Variants in CFAP299 observed in about 807,000 individuals in gnomAD.
CFAP299 encodes cilia- and flagella-associated protein 299.
A neutral mutation model predicts 27.0 loss-of-function variants in CFAP299; 21 were observed. The ratio of observed to expected loss-of-function variants is 0.78; its 90% CI spans 0.55 to 1.12. The LOEUF (loss-of-function observed/expected upper bound fraction) is 1.12, where lower values mean the gene tolerates loss of function less well. CFAP299 is among the 50% of genes most tolerant of loss of function. The pLI, the probability that CFAP299 is intolerant of heterozygous loss-of-function variation, is 0.00. For synonymous variants in CFAP299, 104 were observed against 98.1 expected (o/e 1.06, Z -0.36); for missense variants, 310 against 276.6 (o/e 1.12, Z -0.86).
At chr4:80,550,197 T>A (rs1029008679) in intron 2 of CFAP299, among the ~76,000 whole-genome samples, 5 of 152,146 alleles carry the variant, frequency 3.3e-5, no homozygotes, top group Non-Finnish European at 7.4e-5. Flanking sequence ...ATTTTATTTA[T>A]CAATTCCACA....
At chr4:80,422,789 T>A (rs1317468493) in intron 2 of CFAP299, among the ~76,000 whole-genome samples, 2 of 152,202 alleles carry the variant, frequency 1.3e-5, no homozygotes. Context: ...AGAAAAAGTT[T>A]CTTTACATTA....
chr4:80,951,290 T>C (rs1041353683), intron 5 of CFAP299, among the ~76,000 whole-genome samples: 2 of 152,182 alleles, frequency 1.3e-5, no homozygotes, highest in African/African-American at 4.8e-5. Context: ...AACAGTATTA[T>C]AGAATAAAAC....
intron 3 of CFAP299, among the ~76,000 whole-genome samples, chr4:80,822,476 C>T (rs1168557123): frequency 6.6e-6 from 1 of 152,074 alleles, no homozygotes; most frequent in Non-Finnish European, 1.5e-5. Context: ...TAATAATTAA[C>T]ATCTTTAAGG....
chr4:80,787,514 T>G (rs1469637946), intron 3 of CFAP299, among the ~76,000 whole-genome samples: 1 of 151,962 alleles, frequency 6.6e-6, no homozygotes, highest in Non-Finnish European at 1.5e-5. Context: ...TAGTACTTCC[T>G]TCTTGGACAG....
At chr4:80,906,009 T>C (rs958990676) in intron 4 of CFAP299, among the ~76,000 whole-genome samples, 11 of 152,114 alleles carry the variant, frequency 7.2e-5, no homozygotes, top group African/African-American at 2.7e-4. Context: ...AAACCAAATG[T>C]CCAAGTCCAA....
intron 3 of CFAP299, among the ~76,000 whole-genome samples, chr4:80,641,598 G>A (rs1331583927): frequency 2.6e-5 from 4 of 152,144 alleles, no homozygotes; most frequent in African/African-American, 9.7e-5. Flanking sequence ...AACTTTTACA[G>A]TTAAGCATAT....
At chr4:80,832,531 A>G (rs73829154) in intron 3 of CFAP299, among the ~76,000 whole-genome samples, 19,865 of 152,086 alleles carry the variant, frequency 0.13, 1,537 homozygotes, top group African/African-American at 0.21. Context: ...AAAAGCTTAT[A>G]TAATTTTTTA....
chr4:80,400,640 T>A (rs1299038284), intron 2 of CFAP299, among the ~76,000 whole-genome samples: 2 of 152,188 alleles, frequency 1.3e-5, no homozygotes, highest in African/African-American at 4.8e-5. Flanking sequence ...ATTAAACCCC[T>A]TTTTTCTTCC....
At chr4:80,359,824 A>G (rs572207349) in intron 1 of CFAP299, among the ~76,000 whole-genome samples, 1 of 152,152 alleles carries the variant, frequency 6.6e-6, no homozygotes, top group South Asian at 2.1e-4. Flanking sequence ...TATTTCTGTC[A>G]TTTCCGCCAT....
At chr4:80,784,019 A>T (rs1727091504) in intron 3 of CFAP299, among the ~76,000 whole-genome samples, 1 of 151,656 alleles carries the variant, frequency 6.6e-6, no homozygotes, top group Non-Finnish European at 1.5e-5. Context: ...GGCTTATTTC[A>T]CTTTGCATAA....
At chr4:80,831,068 A>G (rs1348077735) in intron 3 of CFAP299, among the ~76,000 whole-genome samples, 1 of 152,154 alleles carries the variant, frequency 6.6e-6, no homozygotes, top group Non-Finnish European at 1.5e-5. Flanking sequence ...TCCCAAGCCC[A>G]TACTCAGTGG....
chr4:80,375,706 C>T (rs186048526), intron 2 of CFAP299, among the ~76,000 whole-genome samples: 1 of 152,344 alleles, frequency 6.6e-6, no homozygotes, highest in East Asian at 1.9e-4. Context: ...GGCAAAGTCT[C>T]TTCCAAACTA....
chr4:80,621,909 G>A (rs966690106), intron 3 of CFAP299, among the ~76,000 whole-genome samples: 2 of 152,014 alleles, frequency 1.3e-5, no homozygotes, highest in African/African-American at 2.4e-5. Context: ...GGGAGCATAT[G>A]GAGGAGAAAA....
At chr4:80,329,883 T>G in the CFAP299 span, among the ~76,000 whole-genome samples, 4,498 of 152,258 alleles carry the variant, frequency 0.03, 212 homozygotes, top group African/African-American at 0.098. Flanking sequence ...AATATATTTC[T>G]CAGAGAGGCA....
intron 5 of CFAP299, among the ~76,000 whole-genome samples, chr4:80,945,339 AC>A (rs1737420091): frequency 6.6e-6 from 1 of 151,996 alleles, no homozygotes; most frequent in African/African-American, 2.4e-5. Context: ...GAATTCTAAT[AC>A]CCCTCTGTGT....
At chr4:80,901,439 G>A (rs941550213) in intron 4 of CFAP299, among the ~76,000 whole-genome samples, 2 of 152,098 alleles carry the variant, frequency 1.3e-5, no homozygotes, top group East Asian at 1.9e-4. Flanking sequence ...GGCTCCTTCT[G>A]TGGGTAAAAC....
intron 1 of CFAP299, among the ~76,000 whole-genome samples, chr4:80,356,226 G>A (rs2109990772): frequency 6.6e-6 from 1 of 152,136 alleles, no homozygotes; most frequent in African/African-American, 2.4e-5. Flanking sequence ...GTACCATGCT[G>A]TTTCGGTTAC....
intron 3 of CFAP299, among the ~76,000 whole-genome samples, chr4:80,853,811 C>G (rs1007533685): frequency 4.6e-5 from 7 of 151,928 alleles, no homozygotes; most frequent in African/African-American, 1.7e-4. Context: ...AATAATGTTG[C>G]ATATTACATG....
At chr4:80,508,178 A>G (rs1400972422) in intron 2 of CFAP299, among the ~76,000 whole-genome samples, 2 of 152,156 alleles carry the variant, frequency 1.3e-5, no homozygotes, top group Non-Finnish European at 2.9e-5. Flanking sequence ...TATCTTCCGA[A>G]ATCTGCTATG....
Sources: allele counts gnomAD v4.1 joint callset (sites outside exome capture counted in the v4.1 genomes callset), GRCh38; gene constraint gnomAD v4.1.1; transcripts MANE v1.5; gene names NCBI Gene and HGNC (gene_info 2026-07-23, HGNC 2026-07-21).